PTPRN2: variants seen among roughly 807,000 people sequenced by gnomAD.
PTPRN2 encodes the protein receptor-type tyrosine-protein phosphatase N2.
A neutral mutation model predicts 118.8 loss-of-function variants in PTPRN2; 74 were observed. That is an observed-to-expected ratio of 0.62 (90% CI 0.52 to 0.76). The LOEUF is 0.76. Among genes scored for constraint, PTPRN2 ranks in the 30% least tolerant of loss-of-function variants. The pLI, the probability that PTPRN2 is intolerant of heterozygous loss-of-function variation, is 0.00. For missense variants in PTPRN2, 1,481 were observed against 1,394.4 expected (o/e 1.06, Z -0.99); for synonymous variants, 641 against 608.0 (o/e 1.05, Z -0.80).
At chr7:158,527,244 G>C (rs558785891) in intron 1 of PTPRN2, among the ~76,000 whole-genome samples, 85 of 148,892 alleles carry the variant, frequency 5.7e-4, no homozygotes, top group African/African-American at 1.8e-3. Context: ...TTCTCCACCA[G>C]CTCCCCAGGC....
intron 12 of PTPRN2, among the ~76,000 whole-genome samples, chr7:157,739,933 TCTTCCA>T: frequency 6.6e-6 from 1 of 152,348 alleles, no homozygotes; most frequent in African/African-American, 2.4e-5. Context: ...GACCTCTTCC[TCTTCCA>T]GAAGCCAGAG....
At chr7:157,661,845 G>A (rs1412528034) in intron 13 of PTPRN2, among the ~76,000 whole-genome samples, 5 of 152,192 alleles carry the variant, frequency 3.3e-5, no homozygotes, top group East Asian at 1.9e-4. Context: ...CATCACCAGC[G>A]CAGGCTTTTC....
chr7:158,127,001 T>G (rs1450283891), intron 9 of PTPRN2, among the ~76,000 whole-genome samples: 1 of 152,192 alleles, frequency 6.6e-6, no homozygotes, highest in Non-Finnish European at 1.5e-5. Context: ...GCCATTTTGC[T>G]GCTTGCCTTC....
At chr7:157,634,023 G>A (rs1804136184) in intron 14 of PTPRN2, among the ~76,000 whole-genome samples, 2 of 152,242 alleles carry the variant, frequency 1.3e-5, no homozygotes, top group Middle Eastern at 3.4e-3. Flanking sequence ...AACAGCGCGT[G>A]GGGAACAGCA....
rs866752051 is a variant in PTPRN2, at chr7:158,336,627, T to G, written c.164-19695A>C. ...CACTCTCACCATAATTGGTGACACA[T>G]GCAGACGTCACTCACACCCACACGT... On this transcript the variant is annotated intron_variant, in intron 2 of 22. Coordinates refer to ENST00000389418, the MANE Select transcript of PTPRN2 (RefSeq NM_002847.5). Among the ~76,000 whole-genome samples the G allele has an allele frequency of 1.9e-3, 245 of 126,190 alleles. 7 individuals are homozygous for G. Among genetic ancestry groups the G allele is most frequent in the African/African-American group, 7.9e-3 (236 of 29,978 alleles). The allele number at this position is 126,190 out of a possible 152,430, so 82.8% of individuals were successfully genotyped here.
intron 2 of PTPRN2, among the ~76,000 whole-genome samples, chr7:158,390,540 T>G (rs1441185226): frequency 6.6e-6 from 1 of 152,132 alleles, no homozygotes; most frequent in Non-Finnish European, 1.5e-5. Flanking sequence ...AGGACCATCG[T>G]GCTGGAGGGC....
intron 3 of PTPRN2, among the ~76,000 whole-genome samples, chr7:158,286,589 T>C (rs183027612): frequency 3.2e-3 from 485 of 152,314 alleles, no homozygotes; most frequent in Non-Finnish European, 4.9e-3. Context: ...TTGTTGTATG[T>C]TTTTTATACA....
chr7:158,267,483 T>A (rs1040525093), intron 3 of PTPRN2, among the ~76,000 whole-genome samples: 3 of 152,040 alleles, frequency 2.0e-5, no homozygotes, highest in Non-Finnish European at 2.9e-5. Context: ...ATTCCAGGTG[T>A]CAAAGCGATA....
intron 1 of PTPRN2, among the ~76,000 whole-genome samples, chr7:158,553,825 C>CG (rs961343462): frequency 2.7e-5 from 4 of 150,368 alleles, no homozygotes; most frequent in Non-Finnish European, 5.9e-5. Context: ...CACATTGCAT[C>CG]GGGGGGGCTC....
intron 1 of PTPRN2, among the ~76,000 whole-genome samples, chr7:158,490,466 C>T (rs1821365528): frequency 6.6e-6 from 1 of 152,228 alleles, no homozygotes; most frequent in Admixed American, 6.5e-5. Flanking sequence ...GCCAGGCGAC[C>T]CCAAGCCACG....
chr7:157,644,388 C>T (rs1206378851), intron 14 of PTPRN2, among the ~76,000 whole-genome samples: 1 of 152,214 alleles, frequency 6.6e-6, no homozygotes, highest in Non-Finnish European at 1.5e-5. Context: ...GCTGCCCAGC[C>T]TGAGGGATGT....
At position 157,653,681 on chromosome 7, in the gene PTPRN2, A is replaced by C. The variant is rs545229865; in HGVS notation, c.2196+2676T>G. Among the ~76,000 whole-genome samples, 4 of 152,212 alleles carry C rather than the reference A, an allele frequency of 2.6e-5. No homozygotes were observed. The South Asian group carries it at 8.3e-4, about 32-fold the overall frequency. ...CCCCGCATGGCTGAGAGGGCACGGGAATGCACTTGTAAAGTGAGCTCAGAG... is the reference window on the plus strand; with the variant it reads ...CCCCGCATGGCTGAGAGGGCACGGGCATGCACTTGTAAAGTGAGCTCAGAG... On this transcript the variant is annotated intron_variant, in intron 14 of 22. Transcript: ENST00000389418.
chr7:158,087,145 G>A (rs1006018013), intron 10 of PTPRN2, among the ~76,000 whole-genome samples: 1 of 152,124 alleles, frequency 6.6e-6, no homozygotes, highest in Non-Finnish European at 1.5e-5. Flanking sequence ...AGTCAGGAGG[G>A]GTCTGCTCCT....
chr7:158,110,729 T>A, intron 10 of PTPRN2, 100 bp downstream of exon 10: 2 of 1,118,420 alleles, frequency 1.8e-6, no homozygotes, highest in Non-Finnish European at 2.6e-6. Flanking sequence ...TTCCCTCATG[T>A]AATTAACAAG....
At chr7:157,771,698 AAC>A (rs556705166) in intron 12 of PTPRN2, among the ~76,000 whole-genome samples, 151 of 151,282 alleles carry the variant, frequency 1.0e-3, no homozygotes, top group Middle Eastern at 6.8e-3. Flanking sequence ...CAGACACACA[AAC>A]ACACAGACAC....
intron 3 of PTPRN2, among the ~76,000 whole-genome samples, chr7:158,311,891 GTA>G (rs201164373): frequency 0.01 from 1,381 of 135,224 alleles, 11 homozygotes; most frequent in Non-Finnish European, 0.017. Context: ...ACCTGCACGT[GTA>G]GACACCCACA....
At chr7:158,154,845 C>T (rs1030048765) in intron 6 of PTPRN2, among the ~76,000 whole-genome samples, 5 of 152,166 alleles carry the variant, frequency 3.3e-5, no homozygotes, top group African/African-American at 1.2e-4. Flanking sequence ...CCCATGTAAC[C>T]TCTACAAACC....
chr7:158,027,749 C>T (rs939027429), intron 11 of PTPRN2: 3 of 150,616 alleles, frequency 2.0e-5, no homozygotes, highest in Admixed American at 6.7e-5. Context: ...CGGAGCAGAG[C>T]CCTGGCATCC....
intron 13 of PTPRN2, among the ~76,000 whole-genome samples, chr7:157,666,515 A>C (rs1273709631): frequency 1.3e-5 from 2 of 149,658 alleles, no homozygotes; most frequent in South Asian, 4.2e-4. Flanking sequence ...AAAAAAAAAA[A>C]CCCCACAGTA....
Sources: gnomAD v4.1 joint callset for allele counts (sites outside exome capture counted in the v4.1 genomes callset) on GRCh38, gnomAD v4.1.1 for gene constraint, MANE v1.5 for transcripts, NCBI Gene and HGNC (gene_info 2026-07-23, HGNC 2026-07-21) for gene names.